The following PPL variants were observed in gnomAD, a reference collection of about 807,000 sequenced individuals.
PPL encodes the protein 190 kDa paraneoplastic pemphigus antigen.
In PPL, 198 loss-of-function variants were observed where a neutral mutation model predicts 194.4. That is an observed-to-expected ratio of 1.02 (90% CI 0.91 to 1.15). The LOEUF is 1.15. PPL is among the 50% of genes most tolerant of loss of function. The pLI, the probability that PPL is intolerant of heterozygous loss-of-function variation, is 0.00. For synonymous variants in PPL, 1,220 were observed against 972.4 expected (o/e 1.25, Z -4.74); for missense variants, 2,885 against 2,294.8 (o/e 1.26, Z -5.25).
rs57191109 is a variant in PPL, at chr16:4,897,332, CAAAA to C, written c.972+339_972+342del. 8.1e-4 allele frequency among the ~76,000 whole-genome samples: 43 copies of C among 53,416 alleles called. No homozygotes were observed. The East Asian group carries it at 0.02, about 25-fold the overall frequency. 35.0% of individuals were successfully genotyped at this position (53,416 alleles called of 152,430 possible). ...CCTGGGTGACAGGGCAAGACTCTCT[CAAAA>C]AAAAAAAAAAAAAAAAAAAAGGCAA... On this transcript the variant is annotated intron_variant, in intron 9 of 21. Coordinates refer to ENST00000345988, the MANE Select transcript of PPL (RefSeq NM_002705.5).
chr16:4,901,763 A>C (rs1480928763), intron 4 of PPL, among the ~76,000 whole-genome samples: 1 of 151,414 alleles, frequency 6.6e-6, no homozygotes, highest in Non-Finnish European at 1.5e-5. Context: ...AATGTGGCAA[A>C]GCCCCGTCTC....
intron 1 of PPL, among the ~76,000 whole-genome samples, chr16:4,933,349 G>C (rs1196160438): frequency 1.3e-5 from 2 of 152,176 alleles, no homozygotes; most frequent in African/African-American, 4.8e-5. Context: ...AGGCTGCTGG[G>C]TGTTTACTGG....
At position 4,893,529 on chromosome 16, in the gene PPL, C is replaced by G; in HGVS notation, c.1492+12G>C. On this transcript the variant is annotated intron_variant, in intron 13 of 21. Coordinates refer to ENST00000345988, the MANE Select transcript of PPL (RefSeq NM_002705.5). The stretch of plus-strand genomic sequence containing the variant: ...ACCCCCAGAGCCTCAGGCGAGTGGC[C>G]CTGGCACCCACCTCCGGGATTCTCG... 5 of 1,611,552 alleles carry G rather than the reference C, an allele frequency of 3.1e-6. No homozygotes were observed. Among genetic ancestry groups the G allele is most frequent in the Non-Finnish European group, 4.2e-6 (5 of 1,179,272 alleles).
rs902610491 is a variant in PPL, at chr16:4,885,402, C to T, written c.3253G>A (p.Glu1085Lys). ...AAGCTCAGCTCCTCCTCCTGCTTCT[C>T]CCTGAGCTGGTCCTGGCGCTGGTGG... ...EDHQRQDQLR[E>K]KQEEELSFLQ... Residue 1085 changes from glutamate to lysine, a missense_variant, in exon 22 of 22, where the codon GAG (glutamate) becomes AAG (lysine). Physicochemically the swap from Glu to Lys is moderately conservative, Grantham distance 56 (BLOSUM62 1). Transcript: ENST00000345988. This position sits in a 1 kb window ranked among gnomAD's most constrained non-coding sequence, Gnocchi z 6.3. 5.0e-6 allele frequency: 8 copies of T among 1,612,942 alleles called. No homozygotes were observed. The highest frequency in any genetic ancestry group is 6.8e-6 in the Non-Finnish European group (8 of 1,180,004).
intron 18 of PPL, among the ~76,000 whole-genome samples, chr16:4,889,267 T>C (rs934924142): frequency 2.5e-5 from 3 of 119,308 alleles, no homozygotes; most frequent in African/African-American, 9.4e-5. Context: ...TTTTTTTTTT[T>C]TTTTTTTGAG....
At position 4,885,689 on chromosome 16, in the gene PPL, C is replaced by T. The variant is rs754936333; in HGVS notation, c.2966G>A (p.Gly989Glu). The T allele has an allele frequency of 1.2e-6, 2 of 1,613,232 alleles. No individual in the cohort carries two copies. Among genetic ancestry groups the T allele is most frequent in the Non-Finnish European group, 1.7e-6 (2 of 1,179,876 alleles). ...RALEQETRDG[G>E]QEYVVKEVLR... ...GACCTCCTTGACCACGTACTCCTGC[C>T]CCCCGTCTCTGGTCTCCTGCTCCAG... Residue 989 changes from glycine to glutamate, a missense_variant, in exon 22 of 22, where the codon GGG becomes GAG. Gly to Glu is a moderately conservative substitution (Grantham distance 98). Transcript: ENST00000345988. The surrounding 1 kb of genome is among the most constrained non-coding windows in gnomAD (Gnocchi z 6.3).
intron 2 of PPL, among the ~76,000 whole-genome samples, chr16:4,905,710 G>A (rs973138964): frequency 6.6e-6 from 1 of 152,206 alleles, no homozygotes; most frequent in Non-Finnish European, 1.5e-5. Context: ...CTTGGAGGAA[G>A]AAAATGTGTC....
intron 2 of PPL, among the ~76,000 whole-genome samples, chr16:4,906,765 T>A (rs73519153): frequency 0.031 from 4,686 of 152,208 alleles, 256 homozygotes; most frequent in African/African-American, 0.11. Flanking sequence ...GAGATCAGCA[T>A]AGGGTTGACC....
intron 2 of PPL, among the ~76,000 whole-genome samples, chr16:4,908,422 T>TTCTCTCTCTCTC (rs58737308): frequency 0.04 from 5,947 of 148,372 alleles, 155 homozygotes; most frequent in Non-Finnish European, 0.057. Context: ...TCTTCCTTCT[T>TTCTCTCTCTCTC]TCTCTCTCTC....
At chr16:4,892,908 T>G in intron 14 of PPL, 1 of 326,776 alleles carries the variant, frequency 3.1e-6, no homozygotes, top group Middle Eastern at 8.4e-4. Flanking sequence ...GCTAACGTGT[T>G]TGCAGTCAAG....
At chr16:4,903,731 AAAAG>A (rs1465165257) in intron 3 of PPL, among the ~76,000 whole-genome samples, 151 bp downstream of exon 3, 19 of 152,172 alleles carry the variant, frequency 1.2e-4, no homozygotes, top group Non-Finnish European at 1.8e-4. Flanking sequence ...AAAAAAAAAA[AAAAG>A]AAAGGATCAT....
In PPL at chr16:4,884,772, T is replaced by A; in HGVS notation, c.3883A>T (p.Ile1295Phe). The A allele has an allele frequency of 1.9e-6, 3 of 1,614,132 alleles. No individual in the cohort carries two copies. The highest frequency in any genetic ancestry group is 1.1e-5 in the South Asian group (1 of 91,086). ...TGAGGGTCTTCTTGGAATTGGAGGA[T>A]CTCCTGGACCACCTCTTTGGTCTGG... ...QVQTKEVVQE[I>F]LQFQEDPQTK... The change falls in exon 22 of 22, where the codon ATC becomes TTC. Residue 1295 changes from isoleucine to phenylalanine, a missense_variant. Physicochemically the swap from Ile to Phe is conservative, Grantham distance 21. Transcript: ENST00000345988. This position sits in a 1 kb window ranked among gnomAD's most constrained non-coding sequence, Gnocchi z 5.7.
At chr16:4,908,282 C>CA (rs958691307) in intron 2 of PPL, among the ~76,000 whole-genome samples, 2 of 151,978 alleles carry the variant, frequency 1.3e-5, no homozygotes, top group African/African-American at 4.8e-5. Context: ...GGCTTGAGGC[C>CA]AGGAGTTCAA....
chr16:4,916,612 CT>C (rs1278922333), intron 1 of PPL, among the ~76,000 whole-genome samples: 1 of 152,034 alleles, frequency 6.6e-6, no homozygotes, highest in Non-Finnish European at 1.5e-5. Context: ...CTCAAGCAAT[CT>C]TTGTACCTCA....
At chr16:4,931,581 G>A (rs2089225688) in intron 1 of PPL, among the ~76,000 whole-genome samples, 1 of 152,196 alleles carries the variant, frequency 6.6e-6, no homozygotes, top group Non-Finnish European at 1.5e-5. Context: ...GGGCAGGCAG[G>A]CTGGGAGGAT....
At chr16:4,897,834 G>T in intron 8 of PPL, 64 bp from the exon 9 acceptor site, 1 of 1,371,118 alleles carries the variant, frequency 7.3e-7, no homozygotes, top group Non-Finnish European at 1.0e-6. Context: ...GGGAGGGACT[G>T]CTGGGATATT....
chr16:4,917,582 T>A (rs973948872), intron 1 of PPL, among the ~76,000 whole-genome samples: 1 of 152,126 alleles, frequency 6.6e-6, no homozygotes, highest in Non-Finnish European at 1.5e-5. Flanking sequence ...ATCGTGGGGA[T>A]GGCTGTACAA....
chr16:4,936,092 C>T (rs2089294513), intron 1 of PPL, among the ~76,000 whole-genome samples: 1 of 152,180 alleles, frequency 6.6e-6, no homozygotes, highest in African/African-American at 2.4e-5. Context: ...TAAGTGAACA[C>T]ATTAGGCTTA....
At chr16:4,910,644 G>T (rs755503004) in intron 2 of PPL, among the ~76,000 whole-genome samples, 1 of 152,178 alleles carries the variant, frequency 6.6e-6, no homozygotes, top group Non-Finnish European at 1.5e-5. Context: ...GCACGGTAGG[G>T]TGTTCAGCAG....
Sources: gnomAD v4.1 joint callset for allele counts (sites outside exome capture counted in the v4.1 genomes callset) on GRCh38, gnomAD v4.1.1 for gene constraint, Gnocchi (gnomAD v3.1) non-coding constraint, MANE v1.5 for transcripts, NCBI Gene and HGNC (gene_info 2026-07-23, HGNC 2026-07-21) for gene names.